Variants in GRIK3 observed in about 807,000 individuals in gnomAD.
GRIK3 encodes the protein glutamate receptor ionotropic, kainate 3.
In GRIK3, 29 loss-of-function variants were observed where a neutral mutation model predicts 102.5. That is an observed-to-expected ratio of 0.28 (90% CI 0.21 to 0.39). GRIK3 has a LOEUF of 0.39. Among genes scored for constraint, GRIK3 ranks in the 10% least tolerant of loss-of-function variants. The pLI is 1.00. For synonymous variants in GRIK3, 511 were observed against 504.9 expected, an observed-to-expected ratio of 1.01 and a Z score of -0.16; for missense variants, 908 against 1,252.4, an observed-to-expected ratio of 0.73 and a Z score of 4.15.
chr1:36,900,870 A>G (rs78114344), intron 1 of GRIK3, among the ~76,000 whole-genome samples: 18 of 152,278 alleles, frequency 1.2e-4, no homozygotes, highest in African/African-American at 4.1e-4. Flanking sequence ...GAAAGAGGGG[A>G]CATCTCTACA....
At chr1:36,953,272 G>A (rs531022598) in intron 1 of GRIK3, among the ~76,000 whole-genome samples, 9 of 152,284 alleles carry the variant, frequency 5.9e-5, no homozygotes, top group African/African-American at 1.7e-4. Flanking sequence ...CCCAGCTTGA[G>A]CAGAACAGAT....
rs115619242 is a variant in GRIK3, at chr1:36,877,080, T to C, written c.550+3554A>G. ...AATTCCAGGCCATCAGAGCTGAGAA[T>C]GAAGTGACGTGTACTTATAGTCAGA... On this transcript the variant is annotated intron_variant, in intron 3 of 15. Transcript: ENST00000373091. 5.1e-3 allele frequency among the ~76,000 whole-genome samples: 772 copies of C among 152,346 alleles called. 2 individuals carry two copies. The highest frequency in any genetic ancestry group is 0.018 in the African/African-American group (733 of 41,576).
At chr1:36,917,544 T>C (rs757560996) in intron 1 of GRIK3, among the ~76,000 whole-genome samples, 4 of 152,154 alleles carry the variant, frequency 2.6e-5, no homozygotes, top group African/African-American at 4.8e-5. Flanking sequence ...TGGGGGCAGG[T>C]ATTTCTTGTG....
At chr1:36,924,696 C>G (rs750756717) in intron 1 of GRIK3, among the ~76,000 whole-genome samples, 1 of 152,146 alleles carries the variant, frequency 6.6e-6, no homozygotes, top group Admixed American at 6.5e-5. Context: ...TTCCAGAGGC[C>G]GTGCTCAAGC....
intron 1 of GRIK3, among the ~76,000 whole-genome samples, chr1:36,990,236 T>G (rs1056790515): frequency 3.5e-4 from 54 of 152,128 alleles, no homozygotes; most frequent in African/African-American, 1.3e-3. Flanking sequence ...GAGCCAGCCT[T>G]GACAGTCACG....
At chr1:36,837,398 C>T (rs140867049) in intron 10 of GRIK3, among the ~76,000 whole-genome samples, 17 of 152,228 alleles carry the variant, frequency 1.1e-4, no homozygotes, top group Non-Finnish European at 1.6e-4. Context: ...ATGCCCTGTC[C>T]GCAACTCCTC....
At chr1:36,893,879 A>C (rs1336820702) in intron 1 of GRIK3, among the ~76,000 whole-genome samples, 2 of 152,250 alleles carry the variant, frequency 1.3e-5, no homozygotes, top group African/African-American at 4.8e-5. Flanking sequence ...GCAGAGGTGC[A>C]GTACAATTCC....
rs191786384 is a variant in GRIK3 at position 36,922,282 on chromosome 1, T to C, written c.116-31186A>G. Among the ~76,000 whole-genome samples, 170 of 152,278 alleles carry C rather than the reference T, an allele frequency of 1.1e-3. 1 individual carries two copies. The highest frequency in any genetic ancestry group is 3.7e-3 in the African/African-American group (154 of 41,548). On this transcript the variant is annotated intron_variant, in intron 1 of 15. Transcript: ENST00000373091. ...GGTTCCTGAGGAAGGAGGAGAACAA[T>C]GAGAACCCCAGGAAAGCCACAATGT...
intron 7 of GRIK3, among the ~76,000 whole-genome samples, chr1:36,855,438 G>T (rs764176538): frequency 6.6e-6 from 1 of 152,210 alleles, no homozygotes; most frequent in Non-Finnish European, 1.5e-5. Context: ...AAGCACATGG[G>T]CAGCTCCAAG....
chr1:36,856,334 C>G (rs1483687801), intron 7 of GRIK3, among the ~76,000 whole-genome samples: 1 of 152,212 alleles, frequency 6.6e-6, no homozygotes. Flanking sequence ...GGCGGGTGGA[C>G]AGGGCAGGCC....
intron 15 of GRIK3, chr1:36,804,524 T>A (rs1054467796): frequency 2.2e-5 from 4 of 182,606 alleles, no homozygotes; most frequent in Non-Finnish European, 3.4e-5. Context: ...TGTTAACTTT[T>A]CCTTTTTAAA....
At chr1:36,883,350 C>T (rs1570778319) in intron 2 of GRIK3, among the ~76,000 whole-genome samples, 2 of 152,144 alleles carry the variant, frequency 1.3e-5, no homozygotes, top group Non-Finnish European at 2.9e-5. Context: ...CCCCATTCTC[C>T]CCCTTTCTCT....
intron 12 of GRIK3, among the ~76,000 whole-genome samples, chr1:36,818,885 C>T (rs567610081): frequency 6.6e-6 from 1 of 152,342 alleles, no homozygotes; most frequent in South Asian, 2.1e-4. Context: ...CTTGTCTGCA[C>T]TCCCTAAGAT....
rs1642366479 is a variant in GRIK3, at chr1:36,796,466, G to A, written c.*5385C>T. ...GGGCTGGGGAGGTTGTCTGAGGCAA[G>A]GCAAACCCTTGGCTGGCATTTGACT... On this transcript the variant is annotated 3_prime_UTR_variant, in exon 16 of 16. Coordinates refer to ENST00000373091, the MANE Select transcript of GRIK3 (RefSeq NM_000831.4). The A allele has an allele frequency of 2.0e-5, 3 of 152,392 alleles. No individual in the cohort carries two copies. The highest frequency in any genetic ancestry group is 1.5e-5 in the Non-Finnish European group (1 of 68,078). The allele number at this position is 152,392 out of a possible 1,614,324, so 9.4% of individuals were successfully genotyped here. A position where few individuals can be genotyped will look rare whatever the true frequency, so the allele number is the denominator to read the frequency against.
intron 7 of GRIK3, among the ~76,000 whole-genome samples, chr1:36,856,805 C>T (rs1002194854): frequency 6.6e-6 from 1 of 152,130 alleles, no homozygotes; most frequent in Non-Finnish European, 1.5e-5. Context: ...GGACTCACGG[C>T]TGAGCCTCAA....
At chr1:36,877,017 A>G (rs1640918628) in intron 3 of GRIK3, among the ~76,000 whole-genome samples, 1 of 152,230 alleles carries the variant, frequency 6.6e-6, no homozygotes, top group South Asian at 2.1e-4. Context: ...AGTTAATTGT[A>G]TTCCAGAGGA....
intron 5 of GRIK3, among the ~76,000 whole-genome samples, chr1:36,860,422 T>C (rs1640708448): frequency 6.6e-6 from 1 of 152,234 alleles, no homozygotes; most frequent in Non-Finnish European, 1.5e-5. Context: ...AGAGGGAGGC[T>C]GAAGGGAGCA....
At chr1:36,998,619 C>T (rs1481518757) in intron 1 of GRIK3, among the ~76,000 whole-genome samples, 3 of 152,238 alleles carry the variant, frequency 2.0e-5, no homozygotes, top group Non-Finnish European at 4.4e-5. Flanking sequence ...AGCACATCAT[C>T]TCACCTGAGC....
chr1:36,986,465 C>CCCATCCATCCAT (rs774258723), intron 1 of GRIK3, among the ~76,000 whole-genome samples: 30 of 115,186 alleles, frequency 2.6e-4, no homozygotes, highest in African/African-American at 7.4e-4. Context: ...CATCCATCAG[C>CCCATCCATCCAT]CCATCCATCC....
Sources: allele counts gnomAD v4.1 joint callset (sites outside exome capture counted in the v4.1 genomes callset), GRCh38; gene constraint gnomAD v4.1.1; transcripts MANE v1.5; gene names NCBI Gene and HGNC (gene_info 2026-07-23, HGNC 2026-07-21).